The following UBE2E2 variants were observed in gnomAD, a reference collection of about 807,000 sequenced individuals.
UBE2E2 encodes ubiquitin conjugating enzyme E2 E2.
A neutral mutation model predicts 24.7 loss-of-function variants in UBE2E2; 6 were observed. The ratio of observed to expected loss-of-function variants is 0.24; its 90% CI spans 0.13 to 0.48. The LOEUF is 0.48. Among genes scored for constraint, UBE2E2 ranks in the 20% least tolerant of loss-of-function variants. UBE2E2 has a pLI of 0.99. For missense variants in UBE2E2, 169 were observed against 245.0 expected, an observed-to-expected ratio of 0.69 and a Z score of 2.07; for synonymous variants, 104 against 83.6, an observed-to-expected ratio of 1.24 and a Z score of -1.33.
At chr3:23,241,901 C>A (rs187677052) in intron 3 of UBE2E2, among the ~76,000 whole-genome samples, 1 of 152,212 alleles carries the variant, frequency 6.6e-6, no homozygotes, top group East Asian at 1.9e-4. Context: ...CTCCCCAAGC[C>A]TGATGTTTTT....
chr3:23,333,608 C>T (rs1695125971), intron 3 of UBE2E2, among the ~76,000 whole-genome samples: 1 of 152,038 alleles, frequency 6.6e-6, no homozygotes, highest in Admixed American at 6.6e-5. Context: ...CTTTCCTAGC[C>T]TTCATTTGTT....
chr3:23,270,022 C>T (rs572578079), intron 3 of UBE2E2, among the ~76,000 whole-genome samples: 4 of 152,252 alleles, frequency 2.6e-5, no homozygotes, highest in African/African-American at 7.2e-5. Flanking sequence ...CCAGAAATGC[C>T]TTGTCCTGGT....
At position 23,582,795 on chromosome 3, in the gene UBE2E2, G is replaced by A. The variant is rs576907776; in HGVS notation, c.509-6939G>A. Among the ~76,000 whole-genome samples, 11 of 151,394 alleles carry A rather than the reference G, an allele frequency of 7.3e-5. No homozygotes were observed. In the South Asian group the frequency reaches 1.7e-3, roughly 23 times the overall value. On this transcript the variant is annotated intron_variant, in intron 5 of 5. Transcript: ENST00000396703. ...TCCATGTAGACTCTGGATATTAGAC[G>A]TTTGTTAGATGCGTAGTTTGCAGAT...
chr3:23,304,279 G>C (rs550759038), intron 3 of UBE2E2, among the ~76,000 whole-genome samples: 1 of 152,208 alleles, frequency 6.6e-6, no homozygotes, highest in Admixed American at 6.5e-5. Flanking sequence ...GACCTTTTAA[G>C]TTTTGATGTC....
At chr3:23,555,085 TTTTGTA>T (rs1246116453) in intron 5 of UBE2E2, among the ~76,000 whole-genome samples, 2 of 152,044 alleles carry the variant, frequency 1.3e-5, no homozygotes, top group African/African-American at 2.4e-5. Context: ...CCGTCTAATT[TTTTGTA>T]TTTTTGGTAG....
chr3:23,355,526 C>G (rs1695919157), intron 3 of UBE2E2, among the ~76,000 whole-genome samples: 1 of 152,080 alleles, frequency 6.6e-6, no homozygotes, highest in African/African-American at 2.4e-5. Flanking sequence ...TACTGAGATG[C>G]CTTTTTAAAT....
intron 3 of UBE2E2, among the ~76,000 whole-genome samples, chr3:23,368,123 T>C (rs571573605): frequency 6.6e-6 from 1 of 152,300 alleles, no homozygotes; most frequent in African/African-American, 2.4e-5. Flanking sequence ...TTCAAACTAG[T>C]ATACATCAAT....
At chr3:23,275,065 C>T (rs1172550248) in intron 3 of UBE2E2, among the ~76,000 whole-genome samples, 5 of 152,140 alleles carry the variant, frequency 3.3e-5, no homozygotes, top group Admixed American at 6.5e-5. Context: ...GTGTGTAAAG[C>T]GTTGTGTTAG....
intron 3 of UBE2E2, among the ~76,000 whole-genome samples, chr3:23,229,942 TA>T (rs1696930085): frequency 6.6e-6 from 1 of 152,232 alleles, no homozygotes; most frequent in Non-Finnish European, 1.5e-5. Flanking sequence ...AGTATATGCT[TA>T]AACTTATGTT....
intron 3 of UBE2E2, among the ~76,000 whole-genome samples, chr3:23,446,817 G>A (rs1261195509): frequency 1.3e-5 from 2 of 149,330 alleles, no homozygotes; most frequent in African/African-American, 2.5e-5. Flanking sequence ...TGTAGTTCCC[G>A]AGACTTGGGT....
chr3:23,422,815 A>T (rs1280761720), intron 3 of UBE2E2, among the ~76,000 whole-genome samples: 1 of 152,054 alleles, frequency 6.6e-6, no homozygotes, highest in Non-Finnish European at 1.5e-5. Flanking sequence ...CTAATAGTGG[A>T]TGATGAGTTG....
At chr3:23,380,137 T>TA (rs546553897) in intron 3 of UBE2E2, among the ~76,000 whole-genome samples, 4 of 150,366 alleles carry the variant, frequency 2.7e-5, no homozygotes, top group East Asian at 1.9e-4. Context: ...ATTGGAAATT[T>TA]AAAAAAAATC....
chr3:23,584,410 C>T (rs913362910), intron 5 of UBE2E2, among the ~76,000 whole-genome samples: 18 of 152,056 alleles, frequency 1.2e-4, no homozygotes, highest in Non-Finnish European at 1.5e-5. Flanking sequence ...GGACTATAAA[C>T]CCTTTGGCTT....
In UBE2E2 at chr3:23,311,753, G is replaced by A. The variant is rs189492971; in HGVS notation, c.227+94441G>A. Among the ~76,000 whole-genome samples the A allele has an allele frequency of 7.2e-4, 109 of 152,128 alleles. 1 individual carries two copies. Among genetic ancestry groups the A allele is most frequent in the African/African-American group, 2.6e-3 (106 of 41,498 alleles). On this transcript the variant is annotated intron_variant, in intron 3 of 5. Transcript: ENST00000396703. ...TATTTAAATTTTTTCTTTTTAAATC[G>A]TGGGTACATAGTAGGTATATATATT...
intron 5 of UBE2E2, among the ~76,000 whole-genome samples, chr3:23,561,880 G>A (rs1301144139): frequency 9.9e-5 from 15 of 152,006 alleles, no homozygotes; most frequent in Non-Finnish European, 2.2e-4. Context: ...GTCTGTTATT[G>A]GTGTATAAGA....
chr3:23,492,640 G>C (rs1699522551), intron 3 of UBE2E2, among the ~76,000 whole-genome samples: 1 of 152,032 alleles, frequency 6.6e-6, no homozygotes, highest in Non-Finnish European at 1.5e-5. Context: ...ATTCCCCTTT[G>C]ACTTCTTCTA....
intron 3 of UBE2E2, among the ~76,000 whole-genome samples, chr3:23,234,636 T>G (rs528060922): frequency 1.5e-4 from 23 of 152,302 alleles, no homozygotes; most frequent in African/African-American, 5.5e-4. Context: ...TGATGCTCCA[T>G]AGTCTTTTGG....
intron 3 of UBE2E2, among the ~76,000 whole-genome samples, chr3:23,270,456 G>C (rs1559327655): frequency 1.3e-5 from 2 of 152,132 alleles, no homozygotes; most frequent in African/African-American, 4.8e-5. Flanking sequence ...CTGGAACCAA[G>C]GCTTGGAGTT....
At chr3:23,207,578 A>C (rs4858483) in intron 1 of UBE2E2, among the ~76,000 whole-genome samples, 105,905 of 152,182 alleles carry the variant, frequency 0.7, 37,803 homozygotes, top group African/African-American at 0.85. Context: ...AGGTTACTTA[A>C]AACCACTTAC....
Sources: allele counts gnomAD v4.1 joint callset (sites outside exome capture counted in the v4.1 genomes callset), GRCh38; gene constraint gnomAD v4.1.1; transcripts MANE v1.5; gene names NCBI Gene and HGNC (gene_info 2026-07-23, HGNC 2026-07-21).